Variants in RUNX3 observed in about 807,000 individuals in gnomAD.
RUNX3 encodes RUNX family transcription factor 3, also known as runt-related transcription factor 3.
Under a neutral mutation model 27.7 loss-of-function variants are expected in RUNX3, and 10 were observed. That is an observed-to-expected ratio of 0.36 (90% CI 0.22 to 0.61). The LOEUF (loss-of-function observed/expected upper bound fraction) is 0.61. Among genes scored for constraint, RUNX3 ranks in the 20% least tolerant of loss-of-function variants. The probability of loss-of-function intolerance (pLI) is 0.72; values close to 1 mark genes in which losing one functional copy is unlikely to be tolerated. For missense variants in RUNX3, 469 were observed against 629.5 expected (o/e 0.75, Z 2.73); for synonymous variants, 270 against 269.2 (o/e 1.00, Z -0.03).
chr1:24,945,435 T>G (rs950835873), intron 2 of RUNX3, among the ~76,000 whole-genome samples: 3 of 152,212 alleles, frequency 2.0e-5, no homozygotes, highest in African/African-American at 7.2e-5. Context: ...GGGTAAAGTG[T>G]AAATCATAGC....
intron 3 of RUNX3, among the ~76,000 whole-genome samples, chr1:24,909,703 C>T (rs1319115309): frequency 1.3e-5 from 2 of 152,250 alleles, no homozygotes; most frequent in Non-Finnish European, 2.9e-5. Context: ...ACATGCAACA[C>T]TCCCGGGAAC....
chr1:24,941,657 T>C (rs995880478), intron 2 of RUNX3, among the ~76,000 whole-genome samples: 1 of 152,056 alleles, frequency 6.6e-6, no homozygotes, highest in African/African-American at 2.4e-5. Context: ...GAACGGTGGC[T>C]CCAGGGTCCA....
intron 2 of RUNX3, among the ~76,000 whole-genome samples, chr1:24,948,633 C>T (rs1444951873): frequency 9.5e-6 from 1 of 105,564 alleles, no homozygotes; most frequent in Non-Finnish European, 1.9e-5. Context: ...GGGTGCATGT[C>T]GGGGAGGGTC....
At chr1:24,911,594 C>A (rs1640797226) in intron 3 of RUNX3, among the ~76,000 whole-genome samples, 1 of 152,216 alleles carries the variant, frequency 6.6e-6, no homozygotes, top group Admixed American at 6.5e-5. Context: ...CTGCTCATGC[C>A]CAAAGGAAGC....
intron 2 of RUNX3, among the ~76,000 whole-genome samples, chr1:24,957,220 G>GAGTGCTC (rs1454934086): frequency 6.6e-6 from 1 of 152,244 alleles, no homozygotes; most frequent in African/African-American, 2.4e-5. Context: ...GATTGGACCG[G>GAGTGCTC]AGTGCTCAGG....
At chr1:24,935,330 G>A (rs944353848) in intron 2 of RUNX3, among the ~76,000 whole-genome samples, 4 of 152,168 alleles carry the variant, frequency 2.6e-5, no homozygotes, top group African/African-American at 4.8e-5. Flanking sequence ...CATGCCATGC[G>A]GGTTCCATAG....
chr1:24,960,629 G>T (rs768062448), intron 2 of RUNX3, among the ~76,000 whole-genome samples: 52 of 152,176 alleles, frequency 3.4e-4, no homozygotes, highest in Admixed American at 8.5e-4. Context: ...GTTTGCCTGT[G>T]GGGGTACAAG....
chr1:24,964,641 G>A, exon 2 of RUNX3: 4 of 1,546,696 alleles, frequency 2.6e-6, no homozygotes, highest in South Asian at 2.4e-5. Flanking sequence ...TTGGTTGGCT[G>A]TTGTTTTATT....
At chr1:24,911,618 C>T (rs1284964201) in intron 3 of RUNX3, among the ~76,000 whole-genome samples, 1 of 152,250 alleles carries the variant, frequency 6.6e-6, no homozygotes, top group Non-Finnish European at 1.5e-5. Flanking sequence ...ACTATCATCC[C>T]CATGCTGGAG....
rs1444586596 is a variant in RUNX3, at chr1:24,902,088, C to A, written c.*34G>T. 2 of 1,476,744 alleles carry A rather than the reference C, an allele frequency of 1.4e-6. No individual in the cohort carries two copies. The highest frequency in any genetic ancestry group is 4.4e-5 in the Admixed American group (2 of 45,262). The allele number at this position is 1,476,744 out of a possible 1,614,324, so 91.5% of individuals were successfully genotyped here. On this transcript the variant is annotated 3_prime_UTR_variant, in exon 5 of 5. Coordinates refer to ENST00000308873, the MANE Select transcript of RUNX3 (RefSeq NM_004350.3). This position sits in a 1 kb window ranked among gnomAD's most constrained non-coding sequence, Gnocchi z 9.2. ...CACTGGTCTTGAAGGTTGTTAGGGT[C>A]CCCGCCTCCAGCGGGAGGAGTCCAC... is the stretch of plus-strand genomic sequence containing the variant.
At chr1:24,924,492 T>C (rs1641062133) in intron 2 of RUNX3, among the ~76,000 whole-genome samples, 1 of 152,130 alleles carries the variant, frequency 6.6e-6, no homozygotes, top group South Asian at 2.1e-4. Context: ...TTTTTTTTTT[T>C]TAATTTTGTT....
At chr1:24,955,939 G>A (rs1220070185) in intron 2 of RUNX3, among the ~76,000 whole-genome samples, 2 of 152,230 alleles carry the variant, frequency 1.3e-5, no homozygotes, top group Non-Finnish European at 2.9e-5. Context: ...CAACCAATTC[G>A]CCCACCTCAC....
At chr1:24,954,114 G>T (rs1462760741) in intron 2 of RUNX3, among the ~76,000 whole-genome samples, 1 of 152,244 alleles carries the variant, frequency 6.6e-6, no homozygotes, top group African/African-American at 2.4e-5. Context: ...AGACATATCT[G>T]CATGGCCTCA....
At chr1:24,948,556 G>A (rs1641672176) in intron 2 of RUNX3, among the ~76,000 whole-genome samples, 2 of 151,994 alleles carry the variant, frequency 1.3e-5, no homozygotes. Flanking sequence ...ATGCAGGACA[G>A]GGGTGCATGT....
At chr1:24,905,130 G>A (rs981913378) in intron 4 of RUNX3, among the ~76,000 whole-genome samples, 1 of 152,130 alleles carries the variant, frequency 6.6e-6, no homozygotes, top group Non-Finnish European at 1.5e-5. Flanking sequence ...AACAGGCACC[G>A]AGGGAAGTGG....
At chr1:24,961,167 G>C (rs1170175891) in intron 2 of RUNX3, among the ~76,000 whole-genome samples, 1 of 151,758 alleles carries the variant, frequency 6.6e-6, no homozygotes, top group Non-Finnish European at 1.5e-5. Flanking sequence ...AGAGGGGAGG[G>C]CTGGGTGGGA....
intron 2 of RUNX3, among the ~76,000 whole-genome samples, chr1:24,952,964 C>T (rs183312860): frequency 1.3e-4 from 19 of 151,528 alleles, no homozygotes; most frequent in Admixed American, 8.5e-4. Flanking sequence ...TTTTTTTTTC[C>T]GGTAGCATTG....
intron 3 of RUNX3, among the ~76,000 whole-genome samples, chr1:24,915,446 G>A (rs1233008249): frequency 6.6e-6 from 1 of 152,068 alleles, no homozygotes; most frequent in Non-Finnish European, 1.5e-5. Flanking sequence ...AAAACAAAAT[G>A]GGAGAAATGA....
chr1:24,948,251 C>A (rs1044694738), intron 2 of RUNX3, among the ~76,000 whole-genome samples: 1 of 152,326 alleles, frequency 6.6e-6, no homozygotes, highest in Non-Finnish European at 1.5e-5. Context: ...CCTCAGACCA[C>A]GCCACCAGGT....
Sources: gnomAD v4.1 joint callset for allele counts (sites outside exome capture counted in the v4.1 genomes callset) on GRCh38, gnomAD v4.1.1 for gene constraint, Gnocchi (gnomAD v3.1) non-coding constraint, MANE v1.5 for transcripts, NCBI Gene and HGNC (gene_info 2026-07-23, HGNC 2026-07-21) for gene names.